The following YES1 variants were observed in gnomAD, a reference collection of about 807,000 sequenced individuals.
YES1 encodes the protein tyrosine-protein kinase Yes.
In YES1, 39 loss-of-function variants were observed where a neutral mutation model predicts 70.4. That is an observed-to-expected ratio of 0.55 (90% confidence interval 0.43 to 0.72). The LOEUF is 0.72. YES1 is among the 30% of genes least tolerant of loss of function. The pLI is 0.00. For missense variants in YES1, 495 were observed against 644.8 expected, an observed-to-expected ratio of 0.77 and a Z score of 2.52; for synonymous variants, 198 against 218.6, an observed-to-expected ratio of 0.91 and a Z score of 0.83.
chr18:808,138 C>T lies in YES1; in HGVS notation c.-9+3976G>A, dbSNP rs5009288. Among the ~76,000 whole-genome samples the T allele has an allele frequency of 1.7e-3, 258 of 152,292 alleles. 2 individuals carry two copies. The East Asian group carries it at 0.032, about 19-fold the overall frequency. On this transcript the variant is annotated intron_variant, in intron 1 of 11. Transcript: ENST00000314574. ...TTTCAGATCTTAAAGGTAAACCCAACGCAGACCAGGATATATTGCCATCAA... is the reference window on the plus strand; with the variant it reads ...TTTCAGATCTTAAAGGTAAACCCAATGCAGACCAGGATATATTGCCATCAA...
Position 784,517 on chromosome 18 carries a change from C to T in YES1, c.-9+27597G>A, listed in dbSNP as rs370206993. ...ATTTAGTGGCTTAAAACAATACAAA[C>T]GTATTTATCTTACAGTTCAGAAGTC... is the stretch of plus-strand genomic sequence containing the variant. On this transcript the variant is annotated intron_variant, in intron 1 of 11. Coordinates refer to ENST00000314574, the MANE Select transcript of YES1 (RefSeq NM_005433.4). Among the ~76,000 whole-genome samples the T allele has an allele frequency of 2.8e-4, 42 of 152,296 alleles. 1 individual carries two copies. In the South Asian group the frequency reaches 8.1e-3, roughly 29 times the overall value.
chr18:757,345 TGC>T (rs1904327881), intron 1 of YES1, among the ~76,000 whole-genome samples: 1 of 150,564 alleles, frequency 6.6e-6, no homozygotes, highest in Non-Finnish European at 1.5e-5. Flanking sequence ...CTACTAAAAA[TGC>T]AAAAAATTAG....
chr18:757,315 A>G (rs900144666), intron 1 of YES1, among the ~76,000 whole-genome samples: 118 of 151,670 alleles, frequency 7.8e-4, no homozygotes, highest in Non-Finnish European at 6.6e-4. Context: ...CATCCTGGCT[A>G]ACACGGTGAA....
Position 739,717 on chromosome 18 carries a change from A to G in YES1, c.1137+18T>C, listed in dbSNP as rs1426949764. 1 of 1,569,628 alleles carries G rather than the reference A, an allele frequency of 6.4e-7. No individual in the cohort carries two copies. The highest frequency in any genetic ancestry group is 8.7e-7 in the Non-Finnish European group (1 of 1,148,072). ...TTACACTTTTAATTCAAATGGATAC[A>G]TGTATATATACAGATACCTGAGCAG... On this transcript the variant is annotated intron_variant, in intron 9 of 11. Coordinates refer to ENST00000314574, the MANE Select transcript of YES1 (RefSeq NM_005433.4).
At chr18:757,490 G>C (rs1260990813) in intron 1 of YES1, among the ~76,000 whole-genome samples, 10 of 128,206 alleles carry the variant, frequency 7.8e-5, no homozygotes, top group African/African-American at 1.5e-4. Context: ...GCGACAGAGC[G>C]AGACTCCGTC....
chr18:750,980 A>G (rs1166370433), intron 3 of YES1, among the ~76,000 whole-genome samples: 5 of 152,178 alleles, frequency 3.3e-5, no homozygotes, highest in Non-Finnish European at 7.3e-5. Context: ...TTCTCAATGA[A>G]TGATTGTTGT....
chr18:732,787 A>T (rs1451793265), intron 11 of YES1, 47 bp downstream of exon 11: 2 of 1,613,332 alleles, frequency 1.2e-6, no homozygotes, highest in South Asian at 2.2e-5. Context: ...TAAACTCCTG[A>T]TAAAGCCACT....
chr18:801,772 C>A (rs1053187645), intron 1 of YES1, among the ~76,000 whole-genome samples: 3 of 152,120 alleles, frequency 2.0e-5, no homozygotes, highest in African/African-American at 7.2e-5. Context: ...AAAAGGGCAA[C>A]ACTTGAAACA....
intron 11 of YES1, among the ~76,000 whole-genome samples, chr18:730,242 T>C (rs1386108218): frequency 6.6e-6 from 1 of 152,082 alleles, no homozygotes; most frequent in African/African-American, 2.4e-5. Context: ...GCCTCTGAAC[T>C]CTGCTCGACT....
chr18:761,397 A>G (rs114266674), intron 1 of YES1, among the ~76,000 whole-genome samples: 1,639 of 152,310 alleles, frequency 0.011, 30 homozygotes, highest in African/African-American at 0.037. Context: ...TGAAGGAGGA[A>G]AAATTATGGG....
rs577225305 is a variant in YES1 at position 737,183 on chromosome 18, T to G, written c.1138-222A>C. On this transcript the variant is annotated intron_variant, in intron 9 of 11. Coordinates refer to ENST00000314574, the MANE Select transcript of YES1 (RefSeq NM_005433.4). Reference sequence around the variant, plus strand: ...AAAATCTAACACTGGCTGGGTGCGGTGGCCCACACCTATAATCCCATTAAT... The same window carrying G: ...AAAATCTAACACTGGCTGGGTGCGGGGGCCCACACCTATAATCCCATTAAT... The G allele has an allele frequency of 1.8e-5, 8 of 455,104 alleles. No individual in the cohort carries two copies. In the South Asian group the frequency reaches 2.3e-4, roughly 13 times the overall value. The allele number at this position is 455,104 out of a possible 1,614,324, so 28.2% of individuals were successfully genotyped here.
intron 1 of YES1, among the ~76,000 whole-genome samples, chr18:806,649 G>A (rs185519250): frequency 2.1e-4 from 32 of 152,318 alleles, no homozygotes; most frequent in African/African-American, 7.0e-4. Context: ...GTGAATACTA[G>A]GTCAAGAATA....
chr18:733,687 GCAGGAGAATGGTGTGAACC>G (rs2080117024), intron 10 of YES1, among the ~76,000 whole-genome samples: 1 of 150,088 alleles, frequency 6.7e-6, no homozygotes, highest in Non-Finnish European at 1.5e-5. Context: ...GGAGGCTGAG[GCAGGAGAATGGTGTGAACC>G]CAGGAGGCGG....
At chr18:755,910 A>C (rs546533986) in intron 2 of YES1, among the ~76,000 whole-genome samples, 46 of 152,222 alleles carry the variant, frequency 3.0e-4, no homozygotes, top group South Asian at 1.7e-3. Flanking sequence ...AAATTGTTTG[A>C]ATCTATTTTT....
At chr18:732,506 G>A (rs2080104614) in intron 11 of YES1, among the ~76,000 whole-genome samples, 1 of 151,546 alleles carries the variant, frequency 6.6e-6, no homozygotes, top group South Asian at 2.1e-4. Flanking sequence ...TAGGGTATAG[G>A]GTGGATGAGC....
At chr18:748,401 C>CATAAAA (rs1410006964) in intron 3 of YES1, among the ~76,000 whole-genome samples, 6 of 149,806 alleles carry the variant, frequency 4.0e-5, no homozygotes, top group Non-Finnish European at 7.4e-5. Flanking sequence ...ATTTGCATGC[C>CATAAAA]ATAAAATTCC....
In YES1 at chr18:753,282, T is replaced by C. The variant is rs562805084; in HGVS notation, c.272-1478A>G. ...AGAGCTAATTAACGTATGCATTGCATCACATATCATTTTTGTGGTGAGAAC... is the reference window on the plus strand; with the variant it reads ...AGAGCTAATTAACGTATGCATTGCACCACATATCATTTTTGTGGTGAGAAC... On this transcript the variant is annotated intron_variant, in intron 2 of 11. Transcript: ENST00000314574. Among the ~76,000 whole-genome samples, 18 of 152,292 alleles carry C rather than the reference T, an allele frequency of 1.2e-4. 1 individual carries two copies. The highest frequency in any genetic ancestry group is 1.0e-3 in the South Asian group (5 of 4,828).
intron 1 of YES1, among the ~76,000 whole-genome samples, chr18:787,422 T>G (rs2145809675): frequency 6.6e-6 from 1 of 151,868 alleles, no homozygotes; most frequent in East Asian, 2.0e-4. Flanking sequence ...TTAAAAAAAT[T>G]TGTTGGGCTG....
chr18:759,907 T>A, intron 1 of YES1, among the ~76,000 whole-genome samples: 1 of 136,554 alleles, frequency 7.3e-6, no homozygotes, highest in Non-Finnish European at 1.5e-5. Context: ...CCCCTTCCTG[T>A]GTCCAAGTGT....
Sources: gnomAD v4.1 joint callset for allele counts (sites outside exome capture counted in the v4.1 genomes callset) on GRCh38, gnomAD v4.1.1 for gene constraint, MANE v1.5 for transcripts, NCBI Gene and HGNC (gene_info 2026-07-23, HGNC 2026-07-21) for gene names.